ZSWIM9: variants seen among roughly 807,000 people sequenced by gnomAD.
ZSWIM9 encodes the protein uncharacterized protein ZSWIM9.
Under a neutral mutation model 25.0 loss-of-function variants are expected in ZSWIM9, and 11 were observed. That is an observed-to-expected ratio of 0.44 (90% confidence interval 0.28 to 0.73). The LOEUF (loss-of-function observed/expected upper bound fraction) is 0.73. Among genes scored for constraint, ZSWIM9 ranks in the 30% least tolerant of loss-of-function variants. ZSWIM9 has a pLI of 0.16. For synonymous variants in ZSWIM9, 562 were observed against 582.1 expected, an observed-to-expected ratio of 0.97 and a Z score of 0.50; for missense variants, 1,070 against 1,296.5, an observed-to-expected ratio of 0.83 and a Z score of 2.68.
rs950315124 is a variant in ZSWIM9, at chr19:48,172,524, G to GT, written c.275+454dup. ...TTTTTGTTTTGTTTTGCTTTGTGTT[G>GT]TTTTTTTGAGACAGAGTCTTGCTCT... On this transcript the variant is annotated intron_variant, in intron 2 of 3. Coordinates refer to ENST00000614654, the MANE Select transcript of ZSWIM9 (RefSeq NM_199341.4). Among the ~76,000 whole-genome samples, 215 of 151,960 alleles carry GT rather than the reference G, an allele frequency of 1.4e-3. 1 individual carries two copies. The highest frequency in any genetic ancestry group is 0.01 in the Middle Eastern group (3 of 294).
Position 48,188,786 on chromosome 19 carries a change from C to G in ZSWIM9, c.589-5867C>G, listed in dbSNP as rs991435502. Among the ~76,000 whole-genome samples the G allele has an allele frequency of 2.6e-5, 4 of 151,944 alleles. No homozygotes were observed. The South Asian group carries it at 8.3e-4, about 32-fold the overall frequency. On this transcript the variant is annotated intron_variant, in intron 3 of 3. Transcript: ENST00000614654. Reference sequence around the variant, plus strand: ...ATGGCTCACACCTGTAAGCCCAGCACTTTGGGAGGCTGAGGCGGGTGGATC... The same window carrying G: ...ATGGCTCACACCTGTAAGCCCAGCAGTTTGGGAGGCTGAGGCGGGTGGATC...
At position 48,171,496 on chromosome 19, in the gene ZSWIM9, T is replaced by C. The variant is rs2036808536; in HGVS notation, c.-9-298T>C. On this transcript the variant is annotated intron_variant, in intron 1 of 3. Coordinates refer to ENST00000614654, the MANE Select transcript of ZSWIM9 (RefSeq NM_199341.4). The stretch of plus-strand genomic sequence containing the variant: ...ACATCTGAGCTTAAGGGTCGTATTT[T>C]GGGAGGAGAGATTCCAACTGTACCT... 7 of 649,804 alleles carry C rather than the reference T, an allele frequency of 1.1e-5. No individual in the cohort carries two copies. The Admixed American group carries it at 2.5e-4, about 23-fold the overall frequency. The allele number at this position is 649,804 out of a possible 1,614,324, so 40.3% of individuals were successfully genotyped here. A position where few individuals can be genotyped will look rare whatever the true frequency, so the allele number is the denominator to read the frequency against.
chr19:48,173,939 T>G (rs1170247282), intron 2 of ZSWIM9, among the ~76,000 whole-genome samples: 2 of 152,152 alleles, frequency 1.3e-5, no homozygotes, highest in Non-Finnish European at 2.9e-5. Context: ...GACCCCAGTT[T>G]TAAACAGGGG....
chr19:48,181,916 G>A (rs2036952128), intron 2 of ZSWIM9: 1 of 152,664 alleles, frequency 6.6e-6, no homozygotes, highest in South Asian at 2.1e-4. Flanking sequence ...AAATATACAT[G>A]GAATGCTAAT....
intron 2 of ZSWIM9, among the ~76,000 whole-genome samples, chr19:48,175,985 C>T (rs2036889432): frequency 6.6e-6 from 1 of 152,192 alleles, no homozygotes; most frequent in African/African-American, 2.4e-5. Flanking sequence ...GCGGGCAGAT[C>T]ACTTGAAGTC....
At position 48,195,891 on chromosome 19, in the gene ZSWIM9, G is replaced by A; in HGVS notation, c.1827G>A (p.Leu609=). The A allele has an allele frequency of 7.2e-7, 1 of 1,395,300 alleles. No homozygotes were observed. Among genetic ancestry groups the A allele is most frequent in the Non-Finnish European group, 9.3e-7 (1 of 1,079,410 alleles). 86.4% of individuals were successfully genotyped at this position (1,395,300 alleles called of 1,614,324 possible). The stretch of plus-strand genomic sequence containing the variant: ...AAGATCGCAGGAGTACCACCGACCT[G>A]AGGGGGACCCAGTTTGACTATGAGA... The part of the protein sequence containing the change: ...QLEDRRSTTD[L]RGTQFDYERV... Residue 609 remains leucine, a synonymous_variant, in exon 4 of 4, where the codon CTG becomes CTA. Coordinates refer to ENST00000614654, the MANE Select transcript of ZSWIM9 (RefSeq NM_199341.4). The surrounding 1 kb of genome is among the most constrained non-coding windows in gnomAD (Gnocchi z 5.8).
chr19:48,195,972 G>T lies in ZSWIM9; in HGVS notation c.1908G>T (p.Arg636Ser), dbSNP rs1219031661. ...PWRGAQLHDE[R>S]AGGLRTAEWK... ...GGGGGGCGCAGCTGCACGATGAAAG[G>T]GCAGGGGGACTGAGAACTGCAGAAT... The change falls in exon 4 of 4, where the codon AGG becomes AGT. Residue 636 changes from arginine to serine, a missense_variant. Coordinates refer to ENST00000614654, the MANE Select transcript of ZSWIM9 (RefSeq NM_199341.4). The surrounding 1 kb of genome is among the most constrained non-coding windows in gnomAD (Gnocchi z 5.8). 8 of 1,314,344 alleles carry T rather than the reference G, an allele frequency of 6.1e-6. No individual in the cohort carries two copies. The South Asian group carries it at 1.2e-4, about 19-fold the overall frequency. The allele number at this position is 1,314,344 out of a possible 1,614,324, so 81.4% of individuals were successfully genotyped here.
rs1027272524 is a variant in ZSWIM9 at position 48,195,522 on chromosome 19, T to C, written c.1458T>C (p.Ile486=). Residue 486 remains isoleucine, a synonymous_variant, in exon 4 of 4, where the codon ATT becomes ATC. Transcript: ENST00000614654. The surrounding 1 kb of genome is among the most constrained non-coding windows in gnomAD (Gnocchi z 5.8). Reference sequence around the variant, plus strand: ...GAGGGGCTCCGAAAGAAGGAAGTATTTGGAGGGGAGCCCAGATGGAGAAGG... The same window carrying C: ...GAGGGGCTCCGAAAGAAGGAAGTATCTGGAGGGGAGCCCAGATGGAGAAGG... ...DWGGAPKEGS[I]WRGAQMEKEW... 75 of 1,411,392 alleles carry C rather than the reference T, an allele frequency of 5.3e-5. No homozygotes were observed. The highest frequency in any genetic ancestry group is 1.8e-4 in the Middle Eastern group (1 of 5,472). The allele number at this position is 1,411,392 out of a possible 1,614,324, so 87.4% of individuals were successfully genotyped here.
intron 3 of ZSWIM9, among the ~76,000 whole-genome samples, chr19:48,189,859 T>G (rs2037073720): frequency 6.6e-6 from 1 of 152,120 alleles, no homozygotes. Context: ...TATTTGACTT[T>G]AGGACCATGT....
rs1035877138 is a variant in ZSWIM9, at chr19:48,197,091, T to C, written c.*264T>C. 5 of 564,672 alleles carry C rather than the reference T, an allele frequency of 8.9e-6. No homozygotes were observed. The highest frequency in any genetic ancestry group is 1.6e-5 in the Non-Finnish European group (5 of 319,932). The allele number at this position is 564,672 out of a possible 1,614,324, so 35.0% of individuals were successfully genotyped here. ...GGCTTCCCTCTGGAGAGGAAGCATG[T>C]GATGAGAGGTGTAGACAGGGTCAGG... On this transcript the variant is annotated 3_prime_UTR_variant, in exon 4 of 4. Transcript: ENST00000614654.
intron 3 of ZSWIM9, among the ~76,000 whole-genome samples, chr19:48,192,261 C>G (rs904973532): frequency 6.7e-5 from 10 of 150,292 alleles, no homozygotes; most frequent in African/African-American, 2.5e-4. Flanking sequence ...ATCAGCCTGG[C>G]CAACATGGTG....
In ZSWIM9 at chr19:48,195,123, G is replaced by T. The variant is rs1390422314; in HGVS notation, c.1059G>T (p.Ser353=). ...GCCTGTGCCGCCTGGCTGGCGCGTC[G>T]TCGCCCGCAGCCTACGACGAGGCGC... ...WSRLCRLAGA[S]SPAAYDEALA... is the part of the protein sequence containing the mutation. The change falls in exon 4 of 4, where the codon TCG becomes TCT. Residue 353 remains serine, a synonymous_variant. Coordinates refer to ENST00000614654, the MANE Select transcript of ZSWIM9 (RefSeq NM_199341.4). The surrounding 1 kb of genome is among the most constrained non-coding windows in gnomAD (Gnocchi z 5.8). The T allele has an allele frequency of 6.8e-7, 1 of 1,480,802 alleles. No individual in the cohort carries two copies. Among genetic ancestry groups the T allele is most frequent in the Non-Finnish European group, 8.9e-7 (1 of 1,120,840 alleles). The allele number at this position is 1,480,802 out of a possible 1,614,324, so 91.7% of individuals were successfully genotyped here. A position where few individuals can be genotyped will look rare whatever the true frequency, so the allele number is the denominator to read the frequency against.
intron 2 of ZSWIM9, among the ~76,000 whole-genome samples, chr19:48,177,968 G>A (rs10408943): frequency 0.17 from 25,419 of 152,238 alleles, 2,514 homozygotes; most frequent in African/African-American, 0.28. Context: ...TGTAGTCTCA[G>A]CTCACTACAA....
intron 2 of ZSWIM9, among the ~76,000 whole-genome samples, chr19:48,177,062 C>CA (rs917727669): frequency 2.0e-5 from 3 of 150,338 alleles, no homozygotes; most frequent in African/African-American, 4.9e-5. Context: ...ACTCCGTCTC[C>CA]AAAAAAATAA....
At chr19:48,190,240 C>T (rs897009283) in intron 3 of ZSWIM9, among the ~76,000 whole-genome samples, 1 of 151,892 alleles carries the variant, frequency 6.6e-6, no homozygotes, top group African/African-American at 2.4e-5. Flanking sequence ...AGCAATAGTC[C>T]CAACATACTA....
chr19:48,172,811 G>A (rs1323149994), intron 2 of ZSWIM9, among the ~76,000 whole-genome samples: 1 of 152,116 alleles, frequency 6.6e-6, no homozygotes, highest in Non-Finnish European at 1.5e-5. Context: ...CACTGTGCCC[G>A]GCCTGACTTA....
intron 3 of ZSWIM9, among the ~76,000 whole-genome samples, chr19:48,185,691 A>G (rs1294592967): frequency 6.6e-6 from 1 of 152,118 alleles, no homozygotes; most frequent in Non-Finnish European, 1.5e-5. Flanking sequence ...AATGATAGAA[A>G]TGTTCCTTAT....
chr19:48,188,653 G>T (rs2037058813), intron 3 of ZSWIM9, among the ~76,000 whole-genome samples: 1 of 152,156 alleles, frequency 6.6e-6, no homozygotes, highest in African/African-American at 2.4e-5. Context: ...GAGAGACCTT[G>T]CCCGGAAACG....
Position 48,182,603 on chromosome 19 carries a change from G to A in ZSWIM9, c.424G>A (p.Ala142Thr), listed in dbSNP as rs1433548965. 1 of 1,535,864 alleles carries A rather than the reference G, an allele frequency of 6.5e-7. No individual in the cohort carries two copies. The highest frequency in any genetic ancestry group is 8.7e-7 in the Non-Finnish European group (1 of 1,146,722). ...CTACTTCCGCCCGGGCCACCTGCTGGCCAACGCCTGCCTGCCGGTGCGCAC... is the reference window on the plus strand; with the variant it reads ...CTACTTCCGCCCGGGCCACCTGCTGACCAACGCCTGCCTGCCGGTGCGCAC... ...AYYFRPGHLLANACLPVRTTN... is the reference protein window; with the variant it reads ...AYYFRPGHLLTNACLPVRTTN... Residue 142 changes from alanine (A) to threonine (T), a missense_variant, in exon 3 of 4, where the codon GCC becomes ACC. Coordinates refer to ENST00000614654, the MANE Select transcript of ZSWIM9 (RefSeq NM_199341.4). This position sits in a 1 kb window ranked among gnomAD's most constrained non-coding sequence, Gnocchi z 4.6.
Sources: allele counts gnomAD v4.1 joint callset (sites outside exome capture counted in the v4.1 genomes callset), GRCh38; gene constraint gnomAD v4.1.1; non-coding constraint Gnocchi (gnomAD v3.1); transcripts MANE v1.5; gene names NCBI Gene and HGNC (gene_info 2026-07-23, HGNC 2026-07-21).